Variants in COL4A5 observed in about 807,000 individuals in gnomAD.
COL4A5 encodes the protein collagen alpha-5(IV) chain.
COL4A5 carries 26 observed loss-of-function variants against 130.2 expected under a neutral mutation model. The observed-to-expected ratio is 0.20, with a 90% CI of 0.15 to 0.28. The LOEUF is 0.28. Among genes scored for constraint, COL4A5 ranks in the 10% least tolerant of loss-of-function variants. The pLI, the probability that COL4A5 is intolerant of heterozygous loss-of-function variation, is 1.00. For missense variants in COL4A5, 1,131 were observed against 1,344.3 expected, an observed-to-expected ratio of 0.84 and a Z score of 2.48; for synonymous variants, 496 against 439.6, an observed-to-expected ratio of 1.13 and a Z score of -1.60.
chrX:108,547,033 A>G (rs2147686221), intron 2 of COL4A5, among the ~76,000 whole-genome samples: 1 of 111,430 alleles, frequency 9.0e-6, no homozygotes, highest in East Asian at 2.8e-4. Context: ...AAGGTTTTTA[A>G]CTTGTTTGCA....
Position 108,622,760 on chromosome X carries a change from C to G in COL4A5, c.2852C>G (p.Pro951Arg). The change falls in exon 33 of 53, where the codon CCT (proline) becomes CGT (arginine). Residue 951 changes from proline (P) to arginine (R), a missense_variant. Transcript: ENST00000328300. ...GSKGEPGLPG[P>R]PGPMDPNLLG... Reference sequence around the variant, plus strand: ...AAAGGAGAGCCTGGCCTTCCAGGCCCTCCTGGACCAATGGATCCAAATCTT... The same window carrying G: ...AAAGGAGAGCCTGGCCTTCCAGGCCGTCCTGGACCAATGGATCCAAATCTT... 1.7e-6 allele frequency: 2 copies of G among 1,210,337 alleles called. No homozygotes were observed. Among genetic ancestry groups the G allele is most frequent in the South Asian group, 3.5e-5 (2 of 56,927 alleles).
At chrX:108,562,522 T>C (rs777957013) in intron 3 of COL4A5, among the ~76,000 whole-genome samples, 9 of 112,188 alleles carry the variant, frequency 8.0e-5, no homozygotes, top group Non-Finnish European at 1.7e-4. Context: ...GGTGTGCTTG[T>C]ATGCAGGTTA....
intron 36 of COL4A5, among the ~76,000 whole-genome samples, chrX:108,641,414 G>A (rs900889255): frequency 1.2e-4 from 13 of 111,684 alleles, no homozygotes; most frequent in Non-Finnish European, 2.4e-4. Context: ...GCTCCAACTC[G>A]GACAGACAGA....
intron 1 of COL4A5, among the ~76,000 whole-genome samples, chrX:108,480,134 G>A (rs773890765): frequency 2.0e-4 from 22 of 111,678 alleles, no homozygotes; most frequent in Non-Finnish European, 4.0e-4. Flanking sequence ...GCAGCCTTTC[G>A]GGTCACTCGA....
At chrX:108,445,423 T>C (rs2064443002) in intron 1 of COL4A5, among the ~76,000 whole-genome samples, 1 of 112,189 alleles carries the variant, frequency 8.9e-6, no homozygotes, top group Admixed American at 9.5e-5. Context: ...ATTCTATTTA[T>C]GCTGTTCTAT....
chrX:108,479,732 T>C (rs1019610903), intron 1 of COL4A5, among the ~76,000 whole-genome samples: 2 of 111,720 alleles, frequency 1.8e-5, no homozygotes, highest in Admixed American at 1.9e-4. Context: ...CATTTGATGA[T>C]GGATTGCTGC....
In COL4A5 at chrX:108,439,881, C is replaced by G; in HGVS notation, c.-245C>G. On this transcript the variant is annotated 5_prime_UTR_variant, in exon 1 of 53. Coordinates refer to ENST00000328300, the MANE Select transcript of COL4A5 (RefSeq NM_033380.3). ...TGAAGAAAAAGTTTGCAAGTCTGGA[C>G]AGAAGGGAAAAGTTCTCCTGAGAGA... 2.4e-6 allele frequency: 1 copy of G among 410,185 alleles called. No homozygotes were observed. The highest frequency in any genetic ancestry group is 4.2e-6 in the Non-Finnish European group (1 of 235,879). The allele number at this position is 410,185 out of a possible 1,213,427, so 33.8% of individuals were successfully genotyped here. A position where few individuals can be genotyped will look rare whatever the true frequency, so the allele number is the denominator to read the frequency against.
chrX:108,606,499 G>GTT (rs34196456), intron 28 of COL4A5, among the ~76,000 whole-genome samples: 3 of 103,391 alleles, frequency 2.9e-5, no homozygotes, highest in East Asian at 3.0e-4. Context: ...TGCTCTCTCA[G>GTT]TTTTTTTTTT....
chrX:108,485,099 A>G (rs925505975), intron 1 of COL4A5, among the ~76,000 whole-genome samples: 20 of 111,670 alleles, frequency 1.8e-4, no homozygotes, highest in African/African-American at 6.5e-4. Context: ...GCCCACGGGG[A>G]CTACTGCCAG....
intron 21 of COL4A5, 23 bp from the exon 22 acceptor site, chrX:108,595,482 ATTTG>A: frequency 8.4e-7 from 1 of 1,194,307 alleles, no homozygotes; most frequent in Non-Finnish European, 1.1e-6. Context: ...TTTCAGTAAA[ATTTG>A]TTTGTTATTA....
At chrX:108,653,373 T>TA (rs942396249) in intron 36 of COL4A5, among the ~76,000 whole-genome samples, 15 of 106,021 alleles carry the variant, frequency 1.4e-4, no homozygotes, top group Non-Finnish European at 1.4e-4. Context: ...TACTGTGTGG[T>TA]TTTTTTTTTC....
At chrX:108,677,347 TAGAA>T (rs977915331) in intron 43 of COL4A5, 149 bp from the exon 44 acceptor site, 1 of 438,279 alleles carries the variant, frequency 2.3e-6, no homozygotes, top group Admixed American at 4.2e-5. Flanking sequence ...CAATTTATAT[TAGAA>T]AGGGAATCAG....
At chrX:108,476,519 CTTT>C (rs55972915) in intron 1 of COL4A5, among the ~76,000 whole-genome samples, 5,625 of 55,799 alleles carry the variant, frequency 0.1, 682 homozygotes, top group African/African-American at 0.33. Context: ...TCTAACTGTT[CTTT>C]TTTTTTTTTT....
In COL4A5 at chrX:108,581,653, C is replaced by A. The variant is rs1603284214; in HGVS notation, c.936+626C>A. On this transcript the variant is annotated intron_variant, in intron 16 of 52. Coordinates refer to ENST00000328300, the MANE Select transcript of COL4A5 (RefSeq NM_033380.3). ...TACATTGGATCATATTGTATGTAGC[C>A]TTTCGAATCAGGATCCTTTCACATA... is the stretch of plus-strand genomic sequence containing the variant. Among the ~76,000 whole-genome samples, 7 of 110,793 alleles carry A rather than the reference C, an allele frequency of 6.3e-5. 2 individuals are homozygous for A.
chrX:108,649,812 A>G (rs1253230163), intron 36 of COL4A5, among the ~76,000 whole-genome samples: 1 of 111,980 alleles, frequency 8.9e-6, no homozygotes, highest in Non-Finnish European at 1.9e-5. Flanking sequence ...AATCTAGAAG[A>G]TATCATTGGA....
Position 108,668,360 on chromosome X carries a change from C to T in COL4A5, c.3646C>T (p.Pro1216Ser), listed in dbSNP as rs760952344. The T allele has an allele frequency of 8.3e-7, 1 of 1,211,360 alleles. No homozygotes were observed. The highest frequency in any genetic ancestry group is 1.1e-6 in the Non-Finnish European group (1 of 895,400). ...DGGLPGIPGN[P>S]GLPGPKGEPG... is the part of the protein sequence containing the mutation. ...AGGATTACCTGGGATTCCAGGAAAT[C>T]CTGGCCTTCCAGGTCCAAAGGGCGA... is the stretch of plus-strand genomic sequence containing the variant. Residue 1216 changes from proline (P) to serine (S), a missense_variant, in exon 41 of 53, where the codon CCT becomes TCT. Pro to Ser is a moderately conservative substitution (Grantham distance 74, BLOSUM62 -1). Transcript: ENST00000328300.
At chrX:108,616,872 A>G (rs2147853718) in intron 30 of COL4A5, among the ~76,000 whole-genome samples, 1 of 109,346 alleles carries the variant, frequency 9.1e-6, no homozygotes, top group South Asian at 3.8e-4. Context: ...AGATATAAAT[A>G]TAATATAGAT....
chrX:108,479,911 G>A (rs920369912), intron 1 of COL4A5, among the ~76,000 whole-genome samples: 1 of 111,524 alleles, frequency 9.0e-6, no homozygotes, highest in Non-Finnish European at 1.9e-5. Context: ...TTTTGCAGAG[G>A]ATGGCAGGGT....
intron 1 of COL4A5, among the ~76,000 whole-genome samples, chrX:108,496,183 A>G (rs975583704): frequency 3.6e-5 from 4 of 112,079 alleles, no homozygotes; most frequent in African/African-American, 1.3e-4. Flanking sequence ...ATTTCTTCTA[A>G]TGTATGCATT....
Sources: allele counts gnomAD v4.1 joint callset (sites outside exome capture counted in the v4.1 genomes callset), GRCh38; gene constraint gnomAD v4.1.1; transcripts MANE v1.5; gene names NCBI Gene and HGNC (gene_info 2026-07-23, HGNC 2026-07-21).